The following ABHD12 variants were observed in gnomAD, a reference collection of about 807,000 sequenced individuals.
ABHD12 encodes the protein abhydrolase domain containing 12, lysophospholipase.
A neutral mutation model predicts 58.3 loss-of-function variants in ABHD12; 43 were observed. That is an observed-to-expected ratio of 0.74 (90% CI 0.58 to 0.95). The LOEUF (loss-of-function observed/expected upper bound fraction) is 0.95, where lower values mean the gene tolerates loss of function less well. Ranked by LOEUF, ABHD12 falls within the 40% of genes least tolerant of loss-of-function variation. The pLI, the probability that ABHD12 is intolerant of heterozygous loss-of-function variation, is 0.00. For missense variants in ABHD12, 539 were observed against 537.2 expected (o/e 1.00, Z -0.03); for synonymous variants, 219 against 211.2 (o/e 1.04, Z -0.32).
At chr20:25,344,294 T>C (rs186074568) in intron 1 of ABHD12, among the ~76,000 whole-genome samples, 53 of 152,340 alleles carry the variant, frequency 3.5e-4, no homozygotes, top group Non-Finnish European at 6.6e-4. Context: ...CATGACTGTC[T>C]ATGTATGTAG....
Position 25,315,077 on chromosome 20 carries a change from G to A in ABHD12, c.574-107C>T. The A allele has an allele frequency of 1.1e-5, 13 of 1,170,174 alleles. No individual in the cohort carries two copies. The South Asian group carries it at 1.2e-4, about 11-fold the overall frequency. 72.5% of individuals were successfully genotyped at this position (1,170,174 alleles called of 1,614,324 possible). On this transcript the variant is annotated intron_variant, in intron 5 of 12. Coordinates refer to ENST00000339157, the MANE Select transcript of ABHD12 (RefSeq NM_001042472.3). ...CAACTTTCTCTCCTCTGCCTTGTAC[G>A]TAGTGGCAGCTTCATAAAGACTGTG...
chr20:25,329,157 GCTGGCTGGAGTCCACCCTGCC>G (rs2089225362), intron 2 of ABHD12, among the ~76,000 whole-genome samples: 1 of 152,202 alleles, frequency 6.6e-6, no homozygotes, highest in African/African-American at 2.4e-5. Flanking sequence ...ACTCCAGCAT[GCTGGCTGGAGTCCACCCTGCC>G]CAGGCCCCTG....
At chr20:25,381,560 T>G (rs2090021985) in intron 1 of ABHD12, among the ~76,000 whole-genome samples, 1 of 151,998 alleles carries the variant, frequency 6.6e-6, no homozygotes, top group South Asian at 2.1e-4. Flanking sequence ...TCTTAATTGT[T>G]TGGGGCAGAA....
At chr20:25,327,901 G>A (rs1203384115) in intron 2 of ABHD12, among the ~76,000 whole-genome samples, 1 of 152,132 alleles carries the variant, frequency 6.6e-6, no homozygotes, top group Non-Finnish European at 1.5e-5. Flanking sequence ...TGATAAACTA[G>A]CTCATCTGAT....
At chr20:25,308,237 A>G (rs1290444955) in intron 8 of ABHD12, among the ~76,000 whole-genome samples, 192 bp from the exon 9 acceptor site, 1 of 152,226 alleles carries the variant, frequency 6.6e-6, no homozygotes. Context: ...GTCACTCCTA[A>G]AAAGCAGACT....
chr20:25,323,994 G>C (rs933520593), intron 2 of ABHD12, among the ~76,000 whole-genome samples: 7 of 152,236 alleles, frequency 4.6e-5, no homozygotes, highest in Non-Finnish European at 8.8e-5. Context: ...AAAGACAGCA[G>C]AAGGTGAGGT....
chr20:25,324,799 A>G (rs982401678), intron 2 of ABHD12, among the ~76,000 whole-genome samples: 2 of 151,890 alleles, frequency 1.3e-5, no homozygotes, highest in Non-Finnish European at 2.9e-5. Context: ...CCACCTTCTT[A>G]CTCCATCTCT....
chr20:25,363,427 C>T (rs1322652798), intron 1 of ABHD12, among the ~76,000 whole-genome samples: 1 of 150,834 alleles, frequency 6.6e-6, no homozygotes, highest in African/African-American at 2.4e-5. Flanking sequence ...CCATGTTGGC[C>T]AGGATGGTGT....
chr20:25,385,516 T>C (rs889778116), intron 1 of ABHD12, among the ~76,000 whole-genome samples: 1 of 151,938 alleles, frequency 6.6e-6, no homozygotes, highest in Non-Finnish European at 1.5e-5. Flanking sequence ...TAAACAGACG[T>C]AGAAGACACT....
At chr20:25,328,898 G>A (rs996642710) in intron 2 of ABHD12, among the ~76,000 whole-genome samples, 2 of 152,222 alleles carry the variant, frequency 1.3e-5, no homozygotes, top group African/African-American at 4.8e-5. Flanking sequence ...GTTGGTCCCA[G>A]GGATCACACA....
At chr20:25,348,269 G>A (rs947980644) in intron 1 of ABHD12, among the ~76,000 whole-genome samples, 4 of 151,864 alleles carry the variant, frequency 2.6e-5, no homozygotes, top group Non-Finnish European at 5.9e-5. Flanking sequence ...CTAGTTCTTC[G>A]AGAAAAGGCA....
intron 1 of ABHD12, among the ~76,000 whole-genome samples, chr20:25,354,645 C>G (rs1053229535): frequency 6.6e-6 from 1 of 151,994 alleles, no homozygotes. Flanking sequence ...ATTTACACAA[C>G]CACAGGATCC....
intron 2 of ABHD12, among the ~76,000 whole-genome samples, chr20:25,338,062 C>G (rs552764135): frequency 1.3e-5 from 2 of 152,180 alleles, no homozygotes; most frequent in East Asian, 3.9e-4. Flanking sequence ...AAAACAAAAA[C>G]AAAGAAACAG....
At chr20:25,331,381 G>T (rs964221460) in intron 2 of ABHD12, among the ~76,000 whole-genome samples, 1 of 152,192 alleles carries the variant, frequency 6.6e-6, no homozygotes, top group Non-Finnish European at 1.5e-5. Flanking sequence ...AAAACACTCT[G>T]CAGGATATTA....
In ABHD12 at chr20:25,314,980, G is replaced by A. The variant is rs751760624; in HGVS notation, c.574-10C>T. 2 of 1,614,044 alleles carry A rather than the reference G, an allele frequency of 1.2e-6. No individual in the cohort carries two copies. The highest frequency in any genetic ancestry group is 2.7e-5 in the African/African-American group (2 of 74,946). ...CAAGGGAACTCAGCACCTGTAAAGTGAAAAATAAACATCTTTGGCAACAAA... is the reference window on the plus strand; with the variant it reads ...CAAGGGAACTCAGCACCTGTAAAGTAAAAAATAAACATCTTTGGCAACAAA... On this transcript the variant is annotated splice_polypyrimidine_tract_variant and intron_variant, in intron 5 of 12. Coordinates refer to ENST00000339157, the MANE Select transcript of ABHD12 (RefSeq NM_001042472.3).
intron 1 of ABHD12, among the ~76,000 whole-genome samples, chr20:25,383,968 A>ATG: frequency 1.5e-5 from 2 of 131,700 alleles, no homozygotes; most frequent in South Asian, 2.4e-4. Context: ...AAAAAAAAAA[A>ATG]AAAAAAGAAA....
At chr20:25,320,459 G>C (rs2089045895) in intron 3 of ABHD12, 141 bp from the exon 4 acceptor site, 3 of 1,107,466 alleles carry the variant, frequency 2.7e-6, no homozygotes, top group East Asian at 2.5e-5. Context: ...GGGAACAGAT[G>C]GGGGTGGGTG....
chr20:25,315,966 A>G (rs1449431565), intron 5 of ABHD12, among the ~76,000 whole-genome samples: 2 of 152,196 alleles, frequency 1.3e-5, no homozygotes, highest in Admixed American at 6.5e-5. Flanking sequence ...AACCAGATGA[A>G]GAACAAAACC....
intron 1 of ABHD12, among the ~76,000 whole-genome samples, chr20:25,344,136 AC>A (rs2089488900): frequency 6.6e-6 from 1 of 152,248 alleles, no homozygotes; most frequent in Admixed American, 6.5e-5. Flanking sequence ...GATAATATCT[AC>A]AAAAAACAGT....
Sources: allele counts gnomAD v4.1 joint callset (sites outside exome capture counted in the v4.1 genomes callset), GRCh38; gene constraint gnomAD v4.1.1; transcripts MANE v1.5; gene names NCBI Gene and HGNC (gene_info 2026-07-23, HGNC 2026-07-21).